The following BBS9 variants were observed in gnomAD, a reference collection of about 807,000 sequenced individuals.
BBS9 encodes the protein Bardet-Biedl syndrome 9, also known as protein PTHB1.
In BBS9, 89 loss-of-function variants were observed where a neutral mutation model predicts 117.7. That is an observed-to-expected ratio of 0.76 (90% confidence interval 0.64 to 0.90). BBS9 has a LOEUF of 0.90. Ranked by LOEUF, BBS9 falls within the 40% of genes least tolerant of loss-of-function variation. BBS9 has a pLI of 0.00. For synonymous variants in BBS9, 379 were observed against 370.9 expected (o/e 1.02, Z -0.25); for missense variants, 982 against 1,042.2 (o/e 0.94, Z 0.80).
At chr7:33,165,862 A>G (rs76942557) in intron 4 of BBS9, among the ~76,000 whole-genome samples, 79,271 of 151,936 alleles carry the variant, frequency 0.52, 21,077 homozygotes, top group East Asian at 0.67. Flanking sequence ...ATTCTCCGTC[A>G]AGCTTTGTTC....
intron 21 of BBS9, among the ~76,000 whole-genome samples, chr7:33,634,764 G>A (rs1236263606): frequency 6.6e-6 from 1 of 152,220 alleles, no homozygotes; most frequent in Non-Finnish European, 1.5e-5. Flanking sequence ...GGCAGGGCAT[G>A]AATAAAAGCT....
intron 17 of BBS9, among the ~76,000 whole-genome samples, chr7:33,379,614 T>C (rs1478003714): frequency 6.6e-6 from 1 of 152,184 alleles, no homozygotes; most frequent in African/African-American, 2.4e-5. Flanking sequence ...GAAAACATAT[T>C]TTATTAAAGA....
intron 9 of BBS9, among the ~76,000 whole-genome samples, chr7:33,298,161 G>T (rs1805650570): frequency 6.6e-6 from 1 of 151,208 alleles, no homozygotes; most frequent in Non-Finnish European, 1.5e-5. Context: ...TTTTTTATTT[G>T]CCAGGTTCAA....
At chr7:33,351,484 G>A in intron 14 of BBS9, 161 bp downstream of exon 14, 1 of 677,988 alleles carries the variant, frequency 1.5e-6, no homozygotes, top group African/African-American at 1.8e-5. Context: ...TATGTGTTAT[G>A]AGTAGTTCGT....
At chr7:33,543,354 T>A (rs947310511) in intron 21 of BBS9, among the ~76,000 whole-genome samples, 1 of 152,098 alleles carries the variant, frequency 6.6e-6, no homozygotes, top group Non-Finnish European at 1.5e-5. Flanking sequence ...ATTCTGGATA[T>A]TACTCCCTTG....
chr7:33,628,661 C>T (rs1865752403), intron 21 of BBS9, among the ~76,000 whole-genome samples: 1 of 152,128 alleles, frequency 6.6e-6, no homozygotes, highest in Non-Finnish European at 1.5e-5. Flanking sequence ...TTCTATTCAG[C>T]CAGGTACTAG....
At chr7:33,325,653 T>C (rs1304015579) in intron 9 of BBS9, among the ~76,000 whole-genome samples, 1 of 152,172 alleles carries the variant, frequency 6.6e-6, no homozygotes, top group Admixed American at 6.5e-5. Context: ...TCAGGGGGAC[T>C]TGGGTGTTAC....
At chr7:33,428,386 T>C (rs1431618278) in intron 19 of BBS9, among the ~76,000 whole-genome samples, 1 of 152,182 alleles carries the variant, frequency 6.6e-6, no homozygotes, top group Non-Finnish European at 1.5e-5. Context: ...CCCACCCTTA[T>C]TGACAGTTCC....
chr7:33,329,362 C>A (rs1199653786), intron 9 of BBS9, among the ~76,000 whole-genome samples: 1 of 152,104 alleles, frequency 6.6e-6, no homozygotes, highest in Non-Finnish European at 1.5e-5. Flanking sequence ...GAAAATAATT[C>A]ATCATTTCAC....
intron 10 of BBS9, among the ~76,000 whole-genome samples, chr7:33,337,007 A>G (rs1477566472): frequency 1.3e-5 from 2 of 152,152 alleles, no homozygotes; most frequent in African/African-American, 2.4e-5. Flanking sequence ...TTCTTCTTTT[A>G]AAAGAAACCA....
chr7:33,526,232 G>T (rs1563304968), intron 20 of BBS9, among the ~76,000 whole-genome samples: 1 of 151,832 alleles, frequency 6.6e-6, no homozygotes, highest in Non-Finnish European at 1.5e-5. Flanking sequence ...GTGTCTTGGA[G>T]TTGCTCTTCT....
downstream of BBS9, among the ~76,000 whole-genome samples, chr7:33,611,018 G>A (rs1466945563): frequency 1.3e-5 from 2 of 152,042 alleles, no homozygotes; most frequent in African/African-American, 2.4e-5. Flanking sequence ...CTGAAGGGTC[G>A]GTTTTAGATA....
chr7:33,635,325 G>A (rs1391271946), exon 22 of BBS9, among the ~76,000 whole-genome samples: 1 of 152,196 alleles, frequency 6.6e-6, no homozygotes, highest in Non-Finnish European at 1.5e-5. Context: ...ACAGGCCAAT[G>A]GAGAAGGTCC....
intron 19 of BBS9, among the ~76,000 whole-genome samples, chr7:33,468,755 G>A (rs1840539251): frequency 6.6e-6 from 1 of 152,040 alleles, no homozygotes. Flanking sequence ...ATGAGAACAT[G>A]CAATGTTTGT....
At chr7:33,553,314 C>T (rs1160082395) in intron 21 of BBS9, among the ~76,000 whole-genome samples, 1 of 152,218 alleles carries the variant, frequency 6.6e-6, no homozygotes, top group African/African-American at 2.4e-5. Flanking sequence ...TCTGCGTTAG[C>T]TACTATGGTA....
At position 33,181,981 on chromosome 7, in the gene BBS9, G is replaced by A. The variant is rs192625296; in HGVS notation, c.442+4390G>A. On this transcript the variant is annotated intron_variant, in intron 5 of 22. Coordinates refer to ENST00000242067, the MANE Select transcript of BBS9 (RefSeq NM_198428.3). ...GGGTGCCTGTAATCTCAGCTACCCG[G>A]GAGGCTGAGGTGGCAGAATGGCGTG... is the stretch of plus-strand genomic sequence containing the variant. Among the ~76,000 whole-genome samples, 514 of 152,312 alleles carry A rather than the reference G, an allele frequency of 3.4e-3. 2 individuals carry two copies. The highest frequency in any genetic ancestry group is 0.012 in the African/African-American group (497 of 41,560).
At chr7:33,607,719 G>A (rs920247145), downstream of BBS9, among the ~76,000 whole-genome samples, 4 of 151,882 alleles carry the variant, frequency 2.6e-5, 1 homozygote, top group Admixed American at 2.6e-4. Context: ...TTGTTGATCA[G>A]ACTTTTTTAA....
chr7:33,366,004 A>C (rs971705062), intron 16 of BBS9, among the ~76,000 whole-genome samples: 1 of 152,204 alleles, frequency 6.6e-6, no homozygotes, highest in African/African-American at 2.4e-5. Flanking sequence ...TAGTGCAGCC[A>C]CAGAGCCAGT....
rs376450505 is a variant in BBS9, at chr7:33,344,333, T to A, written c.1276-248T>A. ...ATCCACCCACCTCGGCCTCCCAAAG[T>A]GCTGGGATTACAGGCGTGAGCCACC... On this transcript the variant is annotated intron_variant, in intron 11 of 22. Transcript: ENST00000242067. Among the ~76,000 whole-genome samples the A allele has an allele frequency of 1.1e-4, 16 of 151,960 alleles. No individual in the cohort carries two copies. In the South Asian group the frequency reaches 3.3e-3, roughly 32 times the overall value.
Sources: allele counts gnomAD v4.1 joint callset (sites outside exome capture counted in the v4.1 genomes callset), GRCh38; gene constraint gnomAD v4.1.1; transcripts MANE v1.5; gene names NCBI Gene and HGNC (gene_info 2026-07-23, HGNC 2026-07-21).